The following USP20 variants were observed in gnomAD, a reference collection of about 807,000 sequenced individuals.
USP20 encodes the protein ubiquitin specific peptidase 20.
In USP20, 80 loss-of-function variants were observed where a neutral mutation model predicts 124.2. That is an observed-to-expected ratio of 0.64 (90% CI 0.54 to 0.78). The LOEUF is 0.78. Among genes scored for constraint, USP20 ranks in the 30% least tolerant of loss-of-function variants. The pLI is 0.00. For missense variants in USP20, 1,043 were observed against 1,244.4 expected, an observed-to-expected ratio of 0.84 and a Z score of 2.44; for synonymous variants, 481 against 512.3, an observed-to-expected ratio of 0.94 and a Z score of 0.83.
chr9:129,856,351 C>T lies in USP20; in HGVS notation c.126C>T (p.Ala42=). The change falls in exon 4 of 26, where the codon GCC becomes GCT. Residue 42 remains alanine, a synonymous_variant. Coordinates refer to ENST00000372429, the MANE Select transcript of USP20 (RefSeq NM_001110303.4). The part of the protein sequence containing the change: ...SCGVTGPNLW[A]CLQVACPYVG... Reference sequence around the variant, plus strand: ...GGGTCACCGGACCAAACCTATGGGCCTGTCTGCAGGTAAAAGACCCTTGTG... The same window carrying T: ...GGGTCACCGGACCAAACCTATGGGCTTGTCTGCAGGTAAAAGACCCTTGTG... The T allele has an allele frequency of 6.2e-7, 1 of 1,614,182 alleles. No homozygotes were observed. The highest frequency in any genetic ancestry group is 8.5e-7 in the Non-Finnish European group (1 of 1,180,018).
chr9:129,850,533 T>G (rs2032854455), intron 2 of USP20, among the ~76,000 whole-genome samples: 1 of 152,194 alleles, frequency 6.6e-6, no homozygotes, highest in South Asian at 2.1e-4. Flanking sequence ...AATGAGAATC[T>G]GGCCAGTTGA....
At chr9:129,840,009 C>A (rs1243454316) in intron 1 of USP20, among the ~76,000 whole-genome samples, 1 of 152,148 alleles carries the variant, frequency 6.6e-6, no homozygotes, top group Non-Finnish European at 1.5e-5. Context: ...CAATGGTGGG[C>A]TCTTTGCCAA....
chr9:129,850,801 T>A (rs72755277), intron 2 of USP20, among the ~76,000 whole-genome samples: 22,627 of 151,944 alleles, frequency 0.15, 2,254 homozygotes, highest in African/African-American at 0.27. Context: ...GATTATAGGC[T>A]TGTGCATCAT....
intron 15 of USP20, among the ~76,000 whole-genome samples, chr9:129,871,992 C>T (rs546644239): frequency 4.6e-5 from 7 of 151,506 alleles, no homozygotes; most frequent in South Asian, 4.2e-4. Context: ...CTGGGATTAC[C>T]GGCGTGAGCC....
intron 17 of USP20, 23 bp from the exon 18 acceptor site, chr9:129,874,553 C>T (rs746403137): frequency 9.9e-6 from 16 of 1,610,260 alleles, no homozygotes; most frequent in Non-Finnish European, 1.3e-5. Context: ...CCTAGATGAC[C>T]GGCGCTCTCT....
At position 129,857,510 on chromosome 9, in the gene USP20, T is replaced by G. The variant is rs562012420; in HGVS notation, c.136-540T>G. On this transcript the variant is annotated intron_variant, in intron 4 of 25. Transcript: ENST00000372429. ...GCGGGCCTTGGAGGATGGGTAGATT[T>G]GGGATAGGAGAGTGCGAGGGCAAAG... Among the ~76,000 whole-genome samples, 6 of 152,214 alleles carry G rather than the reference T, an allele frequency of 3.9e-5. No homozygotes were observed. The South Asian group carries it at 1.2e-3, about 32-fold the overall frequency.
At chr9:129,856,169 TG>T in intron 3 of USP20, 137 bp from the exon 4 acceptor site, 1 of 823,190 alleles carries the variant, frequency 1.2e-6, no homozygotes, top group Non-Finnish European at 2.0e-6. Flanking sequence ...AAGGCCTTTC[TG>T]GGGCCAGGGC....
At chr9:129,840,083 G>T (rs2032110241) in intron 1 of USP20, among the ~76,000 whole-genome samples, 1 of 152,054 alleles carries the variant, frequency 6.6e-6, no homozygotes, top group African/African-American at 2.4e-5. Context: ...GCTCTGGTGG[G>T]CCGGGAGGGC....
chr9:129,840,258 C>T (rs1048056713), intron 1 of USP20, among the ~76,000 whole-genome samples: 4 of 152,220 alleles, frequency 2.6e-5, no homozygotes, highest in East Asian at 3.8e-4. Context: ...ACAGGTGGGA[C>T]GGAAAGAGTG....
chr9:129,874,469 T>G (rs2034284325), intron 17 of USP20, 107 bp from the exon 18 acceptor site: 6 of 1,438,468 alleles, frequency 4.2e-6, no homozygotes, highest in Non-Finnish European at 5.7e-6. Flanking sequence ...TTTGTTCCAA[T>G]GGAGTCAGCT....
intron 1 of USP20, among the ~76,000 whole-genome samples, chr9:129,838,764 A>C (rs2131026784): frequency 6.6e-6 from 1 of 152,270 alleles, no homozygotes; most frequent in South Asian, 2.1e-4. Context: ...TTCGAGACTG[A>C]GTTTCTGCTC....
chr9:129,879,707 C>T lies in USP20; in HGVS notation c.2584+63C>T. On this transcript the variant is annotated intron_variant, in intron 24 of 25. Coordinates refer to ENST00000372429, the MANE Select transcript of USP20 (RefSeq NM_001110303.4). The surrounding 1 kb of genome is among the most constrained non-coding windows in gnomAD (Gnocchi z 4.2). ...CCTTCCTGGCTGCCAGGCTGCTGCC[C>T]AGTCCCGTCCTTCCAGGAGCCCCCT... The T allele has an allele frequency of 1.3e-6, 2 of 1,578,636 alleles. No homozygotes were observed. Among genetic ancestry groups the T allele is most frequent in the Non-Finnish European group, 1.7e-6 (2 of 1,149,322 alleles).
chr9:129,863,886 T>G (rs551363972), intron 9 of USP20, among the ~76,000 whole-genome samples: 331 of 152,032 alleles, frequency 2.2e-3, no homozygotes, highest in Middle Eastern at 0.01. Context: ...GGCAGGTGGA[T>G]CACGAGGTCA....
chr9:129,853,236 T>G (rs3780701), intron 3 of USP20, among the ~76,000 whole-genome samples: 12,086 of 151,428 alleles, frequency 0.08, 604 homozygotes, highest in Non-Finnish European at 0.11. Context: ...TCATTTTAAG[T>G]TTTGCCCTTT....
intron 2 of USP20, among the ~76,000 whole-genome samples, chr9:129,850,792 A>C (rs1413267726): frequency 2.6e-5 from 4 of 151,968 alleles, no homozygotes; most frequent in African/African-American, 9.7e-5. Context: ...AGTAGCTGGG[A>C]TTATAGGCTT....
At chr9:129,846,527 G>A (rs1236677983) in intron 1 of USP20, among the ~76,000 whole-genome samples, 4 of 151,340 alleles carry the variant, frequency 2.6e-5, no homozygotes, top group Non-Finnish European at 5.9e-5. Flanking sequence ...AAGAGTGCTG[G>A]AATTACAGGC....
chr9:129,848,327 G>T (rs1304950092), intron 1 of USP20, among the ~76,000 whole-genome samples: 1 of 152,072 alleles, frequency 6.6e-6, no homozygotes, highest in Non-Finnish European at 1.5e-5. Flanking sequence ...AACTAGCCAG[G>T]TGATTGACCT....
At chr9:129,858,916 G>A (rs1208897445) in intron 6 of USP20, among the ~76,000 whole-genome samples, 1 of 152,190 alleles carries the variant, frequency 6.6e-6, no homozygotes, top group Non-Finnish European at 1.5e-5. Context: ...GGTGAGTGTA[G>A]ACCCTTCCAG....
intron 16 of USP20, 77 bp from the exon 17 acceptor site, chr9:129,873,622 G>C (rs2034241386): frequency 1.2e-6 from 2 of 1,613,452 alleles, no homozygotes; most frequent in South Asian, 2.2e-5. Flanking sequence ...TCCCAGAAGG[G>C]AGCCGGGTGG....
Sources: gnomAD v4.1 joint callset for allele counts (sites outside exome capture counted in the v4.1 genomes callset) on GRCh38, gnomAD v4.1.1 for gene constraint, Gnocchi (gnomAD v3.1) non-coding constraint, MANE v1.5 for transcripts, NCBI Gene and HGNC (gene_info 2026-07-23, HGNC 2026-07-21) for gene names.